LIN7A: variants seen among roughly 807,000 people sequenced by gnomAD.
LIN7A encodes protein lin-7 homolog A.
LIN7A carries 25 observed loss-of-function variants against 29.8 expected under a neutral mutation model. That is an observed-to-expected ratio of 0.84 (90% confidence interval 0.61 to 1.17). The LOEUF is 1.17. Among genes scored for constraint, LIN7A ranks in the 50% most tolerant of loss-of-function variants. The probability of loss-of-function intolerance (pLI) is 0.00; values close to 1 mark genes in which losing one functional copy is unlikely to be tolerated. For missense variants in LIN7A, 239 were observed against 287.0 expected, an observed-to-expected ratio of 0.83 and a Z score of 1.21; for synonymous variants, 118 against 107.5, an observed-to-expected ratio of 1.10 and a Z score of -0.60.
intron 4 of LIN7A, among the ~76,000 whole-genome samples, chr12:80,831,521 G>A (rs573969967): frequency 1.3e-5 from 2 of 152,246 alleles, no homozygotes; most frequent in South Asian, 4.1e-4. Context: ...TCCTTTTCTA[G>A]AAGAGTAAAC....
At position 80,797,003 on chromosome 12, in the gene LIN7A, G is replaced by T. The variant is rs2121468159; in HGVS notation, c.*724C>A. On this transcript the variant is annotated 3_prime_UTR_variant, in exon 6 of 6. Coordinates refer to ENST00000552864, the MANE Select transcript of LIN7A (RefSeq NM_004664.4). ...AATAAATATACATTATACTCTGTTG[G>T]AATTAATAATAATAGATACAAGCAA... 6.6e-6 allele frequency: 1 copy of T among 152,030 alleles called. No homozygotes were observed. The allele number at this position is 152,030 out of a possible 1,614,324, so 9.4% of individuals were successfully genotyped here. A position where few individuals can be genotyped will look rare whatever the true frequency, so the allele number is the denominator to read the frequency against.
intron 1 of LIN7A, among the ~76,000 whole-genome samples, chr12:80,899,020 C>G (rs967068284): frequency 6.6e-6 from 1 of 151,972 alleles, no homozygotes; most frequent in Non-Finnish European, 1.5e-5. Flanking sequence ...AGTACTATGT[C>G]GAGTAGGAGT....
At chr12:80,818,244 C>T (rs1022607326) in intron 4 of LIN7A, among the ~76,000 whole-genome samples, 6 of 152,064 alleles carry the variant, frequency 3.9e-5, no homozygotes, top group Non-Finnish European at 8.8e-5. Context: ...CTGCAAGCTC[C>T]GCCTCCCCAT....
rs568292325 is a variant in LIN7A, at chr12:80,829,722, T to G, written c.483+16008A>C. On this transcript the variant is annotated intron_variant, in intron 4 of 5. Coordinates refer to ENST00000552864, the MANE Select transcript of LIN7A (RefSeq NM_004664.4). ...ATGAGTTGGCTTTGTCTTTCTTCTTTGGTACAATTACTGTTGATCTTATCC... is the reference window on the plus strand; with the variant it reads ...ATGAGTTGGCTTTGTCTTTCTTCTTGGGTACAATTACTGTTGATCTTATCC... Among the ~76,000 whole-genome samples the G allele has an allele frequency of 2.0e-5, 3 of 152,326 alleles. No individual in the cohort carries two copies. In the South Asian group the frequency reaches 6.2e-4, roughly 32 times the overall value.
intron 4 of LIN7A, among the ~76,000 whole-genome samples, chr12:80,820,676 A>G (rs948491792): frequency 2.3e-5 from 3 of 129,818 alleles, no homozygotes; most frequent in Non-Finnish European, 3.6e-5. Context: ...CAGGAGTACA[A>G]ACATGAGCTT....
intron 4 of LIN7A, among the ~76,000 whole-genome samples, chr12:80,827,374 G>A (rs1318699810): frequency 6.8e-6 from 1 of 147,616 alleles, no homozygotes; most frequent in African/African-American, 2.5e-5. Flanking sequence ...GTGACAGAGT[G>A]AGACTCTGTC....
chr12:80,911,881 A>G (rs1876766188), intron 1 of LIN7A, among the ~76,000 whole-genome samples: 1 of 152,224 alleles, frequency 6.6e-6, no homozygotes. Flanking sequence ...AAGTGGTATT[A>G]ACATGAACTA....
intron 1 of LIN7A, among the ~76,000 whole-genome samples, chr12:80,897,736 C>T (rs1875983770): frequency 6.6e-6 from 1 of 151,832 alleles, no homozygotes; most frequent in South Asian, 2.1e-4. Context: ...ACCTGGGAGG[C>T]GGAGGTTGCA....
chr12:80,832,042 C>G (rs1872374957), intron 4 of LIN7A, among the ~76,000 whole-genome samples: 1 of 152,158 alleles, frequency 6.6e-6, no homozygotes, highest in East Asian at 1.9e-4. Context: ...ACAGACTTTA[C>G]TGAGTGGTCA....
chr12:80,831,948 G>C (rs1872369468), intron 4 of LIN7A, among the ~76,000 whole-genome samples: 1 of 152,234 alleles, frequency 6.6e-6, no homozygotes, highest in African/African-American at 2.4e-5. Flanking sequence ...GCTGTGCACT[G>C]TCTAGCCTGG....
rs532884126 is a variant in LIN7A, at chr12:80,878,104, C to T, written c.201+11147G>A. The stretch of plus-strand genomic sequence containing the variant: ...AGCAAATAGAAAGGCTTGGGCTGAG[C>T]ATTTACCCAATAATGACACTAACAG... On this transcript the variant is annotated intron_variant, in intron 2 of 5. Coordinates refer to ENST00000552864, the MANE Select transcript of LIN7A (RefSeq NM_004664.4). 4.6e-5 allele frequency among the ~76,000 whole-genome samples: 7 copies of T among 152,240 alleles called. No homozygotes were observed. The South Asian group carries it at 8.3e-4, about 18-fold the overall frequency.
intron 1 of LIN7A, among the ~76,000 whole-genome samples, chr12:80,896,270 A>G (rs1875889896): frequency 6.6e-6 from 1 of 152,230 alleles, no homozygotes; most frequent in Admixed American, 6.5e-5. Flanking sequence ...AGACAAAACC[A>G]GTGTTGGTGG....
intron 4 of LIN7A, among the ~76,000 whole-genome samples, chr12:80,812,712 C>T (rs4240719): frequency 6.6e-6 from 1 of 151,554 alleles, no homozygotes; most frequent in Non-Finnish European, 1.5e-5. Flanking sequence ...ACACCACGCC[C>T]GGCTAATTTT....
intron 2 of LIN7A, among the ~76,000 whole-genome samples, chr12:80,886,743 T>C (rs1174320666): frequency 6.6e-6 from 1 of 152,126 alleles, no homozygotes; most frequent in Admixed American, 6.6e-5. Context: ...GTTATAGACT[T>C]CTATGGACTA....
At chr12:80,892,718 G>C (rs1048682874) in intron 1 of LIN7A, among the ~76,000 whole-genome samples, 2 of 152,122 alleles carry the variant, frequency 1.3e-5, no homozygotes, top group African/African-American at 4.8e-5. Context: ...CAAATGCCTA[G>C]GTCGGTCCCA....
intron 2 of LIN7A, among the ~76,000 whole-genome samples, chr12:80,870,402 A>G (rs1006132033): frequency 8.5e-5 from 13 of 152,202 alleles, no homozygotes; most frequent in African/African-American, 2.7e-4. Flanking sequence ...CTCTCTTTCA[A>G]TAAGAAGAAA....
chr12:80,829,559 A>G (rs1030675191), intron 4 of LIN7A, among the ~76,000 whole-genome samples: 1 of 152,192 alleles, frequency 6.6e-6, no homozygotes, highest in East Asian at 1.9e-4. Context: ...GAAATACTTC[A>G]TGTTTAAAAT....
intron 2 of LIN7A, among the ~76,000 whole-genome samples, chr12:80,857,127 G>A (rs1211573542): frequency 1.3e-5 from 2 of 152,150 alleles, no homozygotes; most frequent in Non-Finnish European, 2.9e-5. Flanking sequence ...TCCATGTCAC[G>A]AGAACTTAGG....
chr12:80,800,310 A>G, intron 5 of LIN7A, among the ~76,000 whole-genome samples: 1 of 151,852 alleles, frequency 6.6e-6, no homozygotes, highest in East Asian at 1.9e-4. Flanking sequence ...ACCAACATGG[A>G]GAAAACTGGT....
Sources: gnomAD v4.1 joint callset for allele counts (sites outside exome capture counted in the v4.1 genomes callset) on GRCh38, gnomAD v4.1.1 for gene constraint, MANE v1.5 for transcripts, NCBI Gene and HGNC (gene_info 2026-07-23, HGNC 2026-07-21) for gene names.